ITGB3: variants seen among roughly 807,000 people sequenced by gnomAD.
ITGB3 encodes integrin beta-3.
ITGB3 carries 48 observed loss-of-function variants against 85.8 expected under a neutral mutation model. The ratio of observed to expected loss-of-function variants is 0.56; its 90% CI spans 0.44 to 0.71. ITGB3 has a LOEUF of 0.71. ITGB3 is among the 30% of genes least tolerant of loss of function. ITGB3 has a pLI of 0.00. For synonymous variants in ITGB3, 363 were observed against 395.6 expected (o/e 0.92, Z 0.98); for missense variants, 861 against 1,019.1 (o/e 0.84, Z 2.11).
At chr17:47,283,297 G>A in intron 2 of ITGB3, 57 bp from the exon 3 acceptor site, 2 of 1,555,944 alleles carry the variant, frequency 1.3e-6, no homozygotes, top group Non-Finnish European at 8.9e-7. Flanking sequence ...CCTGCAGGAG[G>A]TAGAGAGTCG....
chr17:47,294,889 T>C (rs1055556962), intron 10 of ITGB3, among the ~76,000 whole-genome samples: 2 of 152,222 alleles, frequency 1.3e-5, no homozygotes, highest in African/African-American at 2.4e-5. Context: ...CCCTAGCCCA[T>C]GGCCTGTAAG....
Position 47,287,166 on chromosome 17 carries a change from G to C in ITGB3, c.874G>C (p.Val292Leu). Residue 292 changes from valine (V) to leucine (L), a missense_variant, in exon 6 of 15, where the codon GTC becomes CTC. Transcript: ENST00000559488. ...IALDGRLAGI[V>L]QPNDGQCHVG... ...ATTGGACGGAAGGCTGGCAGGCATT[G>C]TCCAGCCTAATGACGGGCAGTGTCA... The C allele has an allele frequency of 6.2e-7, 1 of 1,613,976 alleles. No individual in the cohort carries two copies. The highest frequency in any genetic ancestry group is 8.5e-7 in the Non-Finnish European group (1 of 1,179,852).
At chr17:47,281,281 C>T (rs1414467127) in intron 2 of ITGB3, among the ~76,000 whole-genome samples, 3 of 152,100 alleles carry the variant, frequency 2.0e-5, no homozygotes, top group Non-Finnish European at 4.4e-5. Context: ...GAGGAGAGCC[C>T]GAAGGCCTAG....
At chr17:47,273,949 C>A (rs1598684529) in intron 1 of ITGB3, among the ~76,000 whole-genome samples, 1 of 152,210 alleles carries the variant, frequency 6.6e-6, no homozygotes, top group East Asian at 1.9e-4. Flanking sequence ...ACCCTCCACG[C>A]CCCCACTGTA....
At chr17:47,256,473 AC>A (rs5820648) in intron 1 of ITGB3, among the ~76,000 whole-genome samples, 26,742 of 132,102 alleles carry the variant, frequency 0.2, 2,364 homozygotes, top group Middle Eastern at 0.24. Flanking sequence ...CCAGAGTAAT[AC>A]CCCCCCCCCC....
Position 47,289,794 on chromosome 17 carries a change from CT to C in ITGB3, c.1035+20del. 2 of 1,588,180 alleles carry C rather than the reference CT, an allele frequency of 1.3e-6. No homozygotes were observed. The highest frequency in any genetic ancestry group is 1.7e-6 in the Non-Finnish European group (2 of 1,156,322). ...TCTATCAGGTGACTGTGCCTTCGGGCTTCCTGGAGTGGGCCCTGTGATGGTG... is the reference window on the plus strand; with the variant it reads ...TCTATCAGGTGACTGTGCCTTCGGGCTCCTGGAGTGGGCCCTGTGATGGTG... On this transcript the variant is annotated intron_variant, in intron 7 of 14. Transcript: ENST00000559488.
chr17:47,257,084 G>A (rs2064993135), intron 1 of ITGB3, among the ~76,000 whole-genome samples: 1 of 152,198 alleles, frequency 6.6e-6, no homozygotes, highest in Non-Finnish European at 1.5e-5. Context: ...TGATTATGCT[G>A]ATTAAATGAA....
chr17:47,261,259 G>A (rs2065007923), intron 1 of ITGB3, among the ~76,000 whole-genome samples: 1 of 152,094 alleles, frequency 6.6e-6, no homozygotes, highest in South Asian at 2.1e-4. Flanking sequence ...AATGTCGACA[G>A]GGAGGCAGAA....
chr17:47,265,587 A>G (rs1766784461), intron 1 of ITGB3, among the ~76,000 whole-genome samples: 1 of 152,184 alleles, frequency 6.6e-6, no homozygotes, highest in Non-Finnish European at 1.5e-5. Flanking sequence ...ATGTTGGATT[A>G]GGGCCTACCC....
At chr17:47,287,607 A>G (rs889196345) in intron 6 of ITGB3, among the ~76,000 whole-genome samples, 9 of 151,748 alleles carry the variant, frequency 5.9e-5, no homozygotes, top group South Asian at 2.1e-4. Flanking sequence ...AAGACAGAGG[A>G]AAAAAAAGAG....
rs139502770 is a variant in ITGB3, at chr17:47,290,804, G to A, written c.1126-150G>A. The stretch of plus-strand genomic sequence containing the variant: ...GGAAACAGAGTCCTAGGGGTGCTCC[G>A]GCAGCTTCCAGGTCAAACCTTGGCC... On this transcript the variant is annotated intron_variant, in intron 8 of 14. Coordinates refer to ENST00000559488, the MANE Select transcript of ITGB3 (RefSeq NM_000212.3). 2,026 of 863,930 alleles carry A rather than the reference G, an allele frequency of 2.3e-3. 4 individuals carry two copies. Among genetic ancestry groups the A allele is most frequent in the Non-Finnish European group, 3.3e-3 (1,680 of 514,744 alleles). 53.5% of individuals were successfully genotyped at this position (863,930 alleles called of 1,614,324 possible).
At chr17:47,272,699 C>CTTT in intron 1 of ITGB3, among the ~76,000 whole-genome samples, 1 of 119,464 alleles carries the variant, frequency 8.4e-6, no homozygotes, top group Non-Finnish European at 1.8e-5. Flanking sequence ...TTCTTTCTTT[C>CTTT]CTTCTTTCTT....
At position 47,312,252 on chromosome 17, in the gene ITGB3, G is replaced by A. The variant is rs558036152; in HGVS notation, c.*2048G>A. Among the ~76,000 whole-genome samples the A allele has an allele frequency of 1.3e-5, 2 of 152,318 alleles. No individual in the cohort carries two copies. Among genetic ancestry groups the A allele is most frequent in the African/African-American group, 4.8e-5 (2 of 41,562 alleles). On this transcript the variant is annotated 3_prime_UTR_variant, in exon 15 of 15. Coordinates refer to ENST00000559488, the MANE Select transcript of ITGB3 (RefSeq NM_000212.3). Reference sequence around the variant, plus strand: ...TTTGCATCCACATATTAGGGAAGAGGAATCCATAAGTAGCTGAAATATCTA... The same window carrying A: ...TTTGCATCCACATATTAGGGAAGAGAAATCCATAAGTAGCTGAAATATCTA...
chr17:47,263,809 C>G lies in ITGB3; in HGVS notation c.79+9869C>G, dbSNP rs939845617. On this transcript the variant is annotated intron_variant, in intron 1 of 14. Transcript: ENST00000559488. ...CGGCCTATCCTGCTTTATTTTCTTA[C>G]AGCATGAAGGGTCAATGAAAGGATA... Among the ~76,000 whole-genome samples, 4 of 152,178 alleles carry G rather than the reference C, an allele frequency of 2.6e-5. No individual in the cohort carries two copies. In the East Asian group the frequency reaches 5.8e-4, roughly 22 times the overall value.
At chr17:47,307,299 G>A (rs1278768443) in intron 13 of ITGB3, among the ~76,000 whole-genome samples, 172 bp from the exon 14 acceptor site, 1 of 152,210 alleles carries the variant, frequency 6.6e-6, no homozygotes, top group Admixed American at 6.5e-5. Flanking sequence ...GAGCCACTCA[G>A]TGCAGATTAT....
At position 47,312,211 on chromosome 17, in the gene ITGB3, C is replaced by T. The variant is rs2065218031; in HGVS notation, c.*2007C>T. Among the ~76,000 whole-genome samples, 1 of 152,176 alleles carries T rather than the reference C, an allele frequency of 6.6e-6. No individual in the cohort carries two copies. Among genetic ancestry groups the T allele is most frequent in the African/African-American group, 2.4e-5 (1 of 41,442 alleles). On this transcript the variant is annotated 3_prime_UTR_variant, in exon 15 of 15. Coordinates refer to ENST00000559488, the MANE Select transcript of ITGB3 (RefSeq NM_000212.3). ...AGCTTCATTTAGTTATTATTTCTTT[C>T]TTCACTTTGCACACATTTGCATCCA...
intron 2 of ITGB3, among the ~76,000 whole-genome samples, chr17:47,276,316 T>C (rs906325492): frequency 2.6e-5 from 4 of 152,200 alleles, no homozygotes; most frequent in African/African-American, 7.2e-5. Flanking sequence ...TGAGGTGGGC[T>C]GGGGCCTGAC....
intron 9 of ITGB3, chr17:47,291,607 CCTTT>C: frequency 7.4e-6 from 2 of 269,212 alleles, no homozygotes; most frequent in Non-Finnish European, 1.4e-5. Flanking sequence ...ATACGCTGAT[CCTTT>C]CTATTGACCT....
Position 47,299,196 on chromosome 17 carries a change from T to C in ITGB3, c.1691-112T>C. ...GTGGTGAGCCAATTCCCTGCCAACC[T>C]GGAGGATCATTATCTGTGTGGTTGG... On this transcript the variant is annotated intron_variant, in intron 10 of 14. Coordinates refer to ENST00000559488, the MANE Select transcript of ITGB3 (RefSeq NM_000212.3). This position sits in a 1 kb window ranked among gnomAD's most constrained non-coding sequence, Gnocchi z 5.1. The C allele has an allele frequency of 9.3e-7, 1 of 1,074,240 alleles. No homozygotes were observed. Among genetic ancestry groups the C allele is most frequent in the Non-Finnish European group, 1.4e-6 (1 of 715,496 alleles). 66.5% of individuals were successfully genotyped at this position (1,074,240 alleles called of 1,614,324 possible). A position where few individuals can be genotyped will look rare whatever the true frequency, so the allele number is the denominator to read the frequency against.
Sources: gnomAD v4.1 joint callset for allele counts (sites outside exome capture counted in the v4.1 genomes callset) on GRCh38, gnomAD v4.1.1 for gene constraint, Gnocchi (gnomAD v3.1) non-coding constraint, MANE v1.5 for transcripts, NCBI Gene and HGNC (gene_info 2026-07-23, HGNC 2026-07-21) for gene names.